The following NFIA variants were observed in gnomAD, a reference collection of about 807,000 sequenced individuals.
NFIA encodes nuclear factor 1 A-type.
NFIA carries 8 observed loss-of-function variants against 62.8 expected under a neutral mutation model. That is an observed-to-expected ratio of 0.13 (90% CI 0.07 to 0.23). The LOEUF (loss-of-function observed/expected upper bound fraction) is 0.23, where lower values mean the gene tolerates loss of function less well. Among genes scored for constraint, NFIA ranks in the 10% least tolerant of loss-of-function variants. The probability of loss-of-function intolerance (pLI) is 1.00; values close to 1 mark genes in which losing one functional copy is unlikely to be tolerated. For missense variants in NFIA, 410 were observed against 642.1 expected (o/e 0.64, Z 3.91); for synonymous variants, 235 against 238.1 (o/e 0.99, Z 0.12).
intron 10 of NFIA, among the ~76,000 whole-genome samples, chr1:61,442,141 G>A (rs1667613929): frequency 1.3e-5 from 2 of 152,102 alleles, no homozygotes; most frequent in South Asian, 2.1e-4. Flanking sequence ...AAGCCCTGAC[G>A]AGGGATGCCA....
chr1:61,193,653 A>C, intron 2 of NFIA, among the ~76,000 whole-genome samples: 1 of 152,338 alleles, frequency 6.6e-6, no homozygotes, highest in East Asian at 1.9e-4. Context: ...GTTGTCAGGT[A>C]TATTTTGCTT....
At chr1:61,167,754 C>A (rs981033933) in intron 2 of NFIA, among the ~76,000 whole-genome samples, 1 of 152,118 alleles carries the variant, frequency 6.6e-6, no homozygotes, top group African/African-American at 2.4e-5. Flanking sequence ...AAAACATTTG[C>A]AGGTTTTAGG....
At chr1:61,338,727 G>T (rs543760408) in intron 4 of NFIA, among the ~76,000 whole-genome samples, 68 of 152,316 alleles carry the variant, frequency 4.5e-4, no homozygotes, top group Non-Finnish European at 6.8e-4. Context: ...GGACTAATGA[G>T]GAAATGGGTG....
At chr1:61,224,171 A>C (rs1654184634) in intron 2 of NFIA, among the ~76,000 whole-genome samples, 1 of 152,072 alleles carries the variant, frequency 6.6e-6, no homozygotes, top group South Asian at 2.1e-4. Context: ...TTTTAAAAAT[A>C]TATTTAAAAT....
intron 3 of NFIA, among the ~76,000 whole-genome samples, chr1:61,316,483 T>G (rs1439324205): frequency 1.3e-5 from 2 of 152,092 alleles, no homozygotes; most frequent in East Asian, 3.9e-4. Flanking sequence ...AGGGCATTTT[T>G]GGTGCTCACA....
chr1:61,413,366 T>C (rs1318687237), intron 9 of NFIA, among the ~76,000 whole-genome samples: 1 of 152,094 alleles, frequency 6.6e-6, no homozygotes, highest in Non-Finnish European at 1.5e-5. Flanking sequence ...TACATATGTA[T>C]TATCTTATCC....
chr1:61,152,869 C>T (rs1282046803), intron 2 of NFIA, among the ~76,000 whole-genome samples: 1 of 152,104 alleles, frequency 6.6e-6, no homozygotes, highest in African/African-American at 2.4e-5. Flanking sequence ...TGGTCTGTGT[C>T]TTTTACTCTG....
At chr1:61,198,955 C>T (rs1056072945) in intron 2 of NFIA, among the ~76,000 whole-genome samples, 2 of 152,194 alleles carry the variant, frequency 1.3e-5, no homozygotes, top group African/African-American at 2.4e-5. Context: ...TTATGTTTGC[C>T]ATCCTTAGGA....
At chr1:61,082,531 T>G (rs553177547), upstream of NFIA, 15 of 1,359,758 alleles carry the variant, frequency 1.1e-5, no homozygotes, top group African/African-American at 1.5e-5. Flanking sequence ...ACAGTAGGCA[T>G]GTATAGTGGA....
rs1055254836 is a variant in NFIA at position 61,184,331 on chromosome 1, C to T, written c.560-93189C>T. Among the ~76,000 whole-genome samples, 18 of 152,324 alleles carry T rather than the reference C, an allele frequency of 1.2e-4. 1 individual carries two copies. The highest frequency in any genetic ancestry group is 1.0e-3 in the South Asian group (5 of 4,834). ...CCAATCAGCCGGCAGTGCCAAGCCA[C>T]GTGACATGCCACGAGGGCACGCACA... On this transcript the variant is annotated intron_variant, in intron 2 of 10. Transcript: ENST00000403491.
chr1:61,406,510 C>T (rs1268623269), intron 8 of NFIA, 52 bp from the exon 9 acceptor site: 44 of 1,481,930 alleles, frequency 3.0e-5, no homozygotes, highest in Non-Finnish European at 3.9e-5. Flanking sequence ...TGGTTGCTGT[C>T]TCTTTCTTCT....
intron 7 of NFIA, among the ~76,000 whole-genome samples, chr1:61,397,124 C>T (rs915529321): frequency 6.6e-6 from 1 of 152,024 alleles, no homozygotes; most frequent in Non-Finnish European, 1.5e-5. Flanking sequence ...AGGGAGATGG[C>T]CCCATAGTTC....
At chr1:61,341,034 A>G (rs1024527363) in intron 4 of NFIA, among the ~76,000 whole-genome samples, 11 of 146,266 alleles carry the variant, frequency 7.5e-5, no homozygotes, top group Non-Finnish European at 1.2e-4. Context: ...GTGGCAAACC[A>G]CACCTGGGTC....
chr1:61,359,860 T>C (rs1430305282), intron 6 of NFIA, among the ~76,000 whole-genome samples: 4 of 152,248 alleles, frequency 2.6e-5, no homozygotes, highest in African/African-American at 7.2e-5. Flanking sequence ...CTCAAACTCC[T>C]GACCTTGTGA....
At chr1:61,154,884 A>G (rs1223184988) in intron 2 of NFIA, among the ~76,000 whole-genome samples, 1 of 152,242 alleles carries the variant, frequency 6.6e-6, no homozygotes, top group East Asian at 1.9e-4. Flanking sequence ...AAGGGCTTGG[A>G]AGATAGCAGC....
Position 61,400,784 on chromosome 1 carries a change from T to C in NFIA, c.1076-3320T>C, listed in dbSNP as rs17122148. The stretch of plus-strand genomic sequence containing the variant: ...AGCCTGATCTGGCCACCTCAAAATA[T>C]AGTTGATGAATTTTACTCTTTAATT... On this transcript the variant is annotated intron_variant, in intron 7 of 10. Coordinates refer to ENST00000403491, the MANE Select transcript of NFIA (RefSeq NM_001134673.4). Among the ~76,000 whole-genome samples, 1,792 of 152,294 alleles carry C rather than the reference T, an allele frequency of 0.012. 95 individuals carry two copies. The East Asian group carries it at 0.13, about 11-fold the overall frequency.
intron 10 of NFIA, among the ~76,000 whole-genome samples, chr1:61,427,501 G>A (rs1450956173): frequency 6.6e-6 from 1 of 152,170 alleles, no homozygotes; most frequent in Non-Finnish European, 1.5e-5. Flanking sequence ...GCCTGTGTGT[G>A]GAATCTCCAG....
chr1:61,230,765 A>C (rs112310527), intron 2 of NFIA, among the ~76,000 whole-genome samples: 3 of 152,170 alleles, frequency 2.0e-5, no homozygotes, highest in African/African-American at 7.2e-5. Flanking sequence ...TCTGTGTTCT[A>C]GCTGGGTTGC....
intron 10 of NFIA, among the ~76,000 whole-genome samples, chr1:61,451,124 C>G (rs1569914768): frequency 1.3e-5 from 2 of 152,116 alleles, no homozygotes; most frequent in Non-Finnish European, 2.9e-5. Context: ...GTACCTTCTG[C>G]CATTTCAGGC....
Sources: gnomAD v4.1 joint callset for allele counts (sites outside exome capture counted in the v4.1 genomes callset) on GRCh38, gnomAD v4.1.1 for gene constraint, MANE v1.5 for transcripts, NCBI Gene and HGNC (gene_info 2026-07-23, HGNC 2026-07-21) for gene names.